Variants in SCOC observed in about 807,000 individuals in gnomAD.
SCOC encodes short coiled coil protein.
A neutral mutation model predicts 9.9 loss-of-function variants in SCOC; 7 were observed. The ratio of observed to expected loss-of-function variants is 0.71; its 90% CI spans 0.40 to 1.33. The LOEUF (loss-of-function observed/expected upper bound fraction) is 1.33, where lower values mean the gene tolerates loss of function less well. Ranked by LOEUF, SCOC falls within the 40% of genes most tolerant of loss-of-function variation. The pLI is 0.01. For synonymous variants in SCOC, 19 were observed against 28.2 expected (o/e 0.67, Z 1.03); for missense variants, 66 against 89.7 (o/e 0.74, Z 1.07).
At chr4:140,358,775 G>A (rs965482802) in intron 2 of SCOC, among the ~76,000 whole-genome samples, 5 of 152,126 alleles carry the variant, frequency 3.3e-5, no homozygotes, top group African/African-American at 9.7e-5. Flanking sequence ...ATTCCCTTTG[G>A]AAAACTGCAT....
chr4:140,331,553 C>T (rs1342869572), intron 1 of SCOC, among the ~76,000 whole-genome samples: 1 of 152,200 alleles, frequency 6.6e-6, no homozygotes, highest in Admixed American at 6.5e-5. Flanking sequence ...CTGTTGATCA[C>T]TCTGTCCTTT....
chr4:140,355,772 GA>G (rs1727202039), intron 2 of SCOC, among the ~76,000 whole-genome samples: 1 of 152,144 alleles, frequency 6.6e-6, no homozygotes, highest in African/African-American at 2.4e-5. Flanking sequence ...TCTATGTTGC[GA>G]TTACAACCAT....
At chr4:140,364,828 T>A (rs1296658259) in intron 2 of SCOC, among the ~76,000 whole-genome samples, 1 of 152,130 alleles carries the variant, frequency 6.6e-6, no homozygotes, top group African/African-American at 2.4e-5. Context: ...CCCCATGAGG[T>A]CAAAACTGAA....
Position 140,287,694 on chromosome 4 carries a change from C to A in SCOC, c.-19+30284C>A, listed in dbSNP as rs547691556. On this transcript the variant is annotated intron_variant, in intron 1 of 4. Transcript: ENST00000394205. Reference sequence around the variant, plus strand: ...CACACATATGTACACATACACACACCAAACACATGGACACACGTGCATATC... The same window carrying A: ...CACACATATGTACACATACACACACAAAACACATGGACACACGTGCATATC... 2.0e-5 allele frequency among the ~76,000 whole-genome samples: 3 copies of A among 152,156 alleles called. No individual in the cohort carries two copies. The South Asian group carries it at 6.2e-4, about 32-fold the overall frequency.
upstream of SCOC, among the ~76,000 whole-genome samples, chr4:140,372,138 T>C (rs1354566913): frequency 6.6e-6 from 1 of 152,214 alleles, no homozygotes; most frequent in Non-Finnish European, 1.5e-5. Flanking sequence ...TGCTCTTTAA[T>C]AGGTATACAG....
intron 1 of SCOC, among the ~76,000 whole-genome samples, chr4:140,337,826 A>G (rs572003972): frequency 3.3e-5 from 5 of 152,320 alleles, no homozygotes; most frequent in African/African-American, 1.2e-4. Flanking sequence ...AACCAAAAAA[A>G]GTCCGGGACC....
chr4:140,364,759 C>T (rs1378416356), intron 2 of SCOC, among the ~76,000 whole-genome samples: 1 of 152,168 alleles, frequency 6.6e-6, no homozygotes. Flanking sequence ...TTACCTTGCC[C>T]ATAGGGACTA....
At chr4:140,363,250 T>C (rs1727650247) in intron 2 of SCOC, among the ~76,000 whole-genome samples, 1 of 152,238 alleles carries the variant, frequency 6.6e-6, no homozygotes, top group Non-Finnish European at 1.5e-5. Flanking sequence ...ATCTCATGTC[T>C]TCCGCCAGCA....
At chr4:140,291,432 C>A (rs773145588) in intron 1 of SCOC, 1 of 457,198 alleles carries the variant, frequency 2.2e-6, no homozygotes, top group East Asian at 6.9e-5. Context: ...TGGTGTATAG[C>A]AACCTCTTGT....
At chr4:140,379,887 A>T (rs910168557) in intron 3 of SCOC, among the ~76,000 whole-genome samples, 1 of 152,214 alleles carries the variant, frequency 6.6e-6, no homozygotes, top group African/African-American at 2.4e-5. Flanking sequence ...AATGCTGGCT[A>T]GTATGAGACC....
intron 1 of SCOC, among the ~76,000 whole-genome samples, chr4:140,320,731 C>T (rs935949649): frequency 3.3e-5 from 5 of 152,120 alleles, no homozygotes; most frequent in Admixed American, 1.3e-4. Flanking sequence ...TCTTCCCTAC[C>T]CAACAAAGCT....
intron 1 of SCOC, among the ~76,000 whole-genome samples, chr4:140,268,283 C>G (rs1293841737): frequency 1.3e-5 from 2 of 152,108 alleles, no homozygotes; most frequent in Non-Finnish European, 2.9e-5. Flanking sequence ...TCAAATAGAA[C>G]AGAGAATAAG....
At chr4:140,339,127 C>A (rs1372270920), upstream of SCOC, among the ~76,000 whole-genome samples, 2 of 151,630 alleles carry the variant, frequency 1.3e-5, no homozygotes, top group Non-Finnish European at 2.9e-5. Flanking sequence ...ACAGAACAGA[C>A]CCCTCAGAAA....
At chr4:140,340,783 C>CTTTTTTTTTTTTTTTT (rs36136647), upstream of SCOC, among the ~76,000 whole-genome samples, 31 of 40,448 alleles carry the variant, frequency 7.7e-4, 6 homozygotes, top group African/African-American at 1.6e-3. Flanking sequence ...TGCTGCCTAA[C>CTTTTTTTTTTTTTTTT]TTTTTTTTTT....
intron 1 of SCOC, among the ~76,000 whole-genome samples, chr4:140,290,028 T>C (rs1731424180): frequency 6.6e-6 from 1 of 152,222 alleles, no homozygotes; most frequent in South Asian, 2.1e-4. Flanking sequence ...AATCTTTCAG[T>C]GTTTTTACTC....
chr4:140,343,076 T>C (rs1726566334), upstream of SCOC, among the ~76,000 whole-genome samples: 1 of 152,220 alleles, frequency 6.6e-6, no homozygotes, highest in South Asian at 2.1e-4. Context: ...GGCATATATG[T>C]ACATGTATGA....
rs138242454 is a variant in SCOC at position 140,350,697 on chromosome 4, G to T, written c.70+6989G>T. Among the ~76,000 whole-genome samples the T allele has an allele frequency of 3.3e-3, 499 of 152,314 alleles. 5 individuals are homozygous for T. Among genetic ancestry groups the T allele is most frequent in the African/African-American group, 0.011 (471 of 41,562 alleles). ...TGGATTTGAATCTGTTAGACTTTGT[G>T]CAAGCTATCTGCCATCCCTGAGCCT... is the stretch of plus-strand genomic sequence containing the variant. On this transcript the variant is annotated intron_variant, in intron 2 of 4. Transcript: ENST00000338517.
At chr4:140,340,106 G>A (rs1399854423), upstream of SCOC, among the ~76,000 whole-genome samples, 1 of 152,162 alleles carries the variant, frequency 6.6e-6, no homozygotes, top group Non-Finnish European at 1.5e-5. Context: ...ATACACCATG[G>A]AATACTATGC....
At chr4:140,342,366 A>G (rs1726546321), upstream of SCOC, among the ~76,000 whole-genome samples, 2 of 152,130 alleles carry the variant, frequency 1.3e-5, no homozygotes, top group African/African-American at 4.8e-5. Context: ...GTAAACCTCC[A>G]GGATTCTTGT....
Sources: gnomAD v4.1 joint callset for allele counts (sites outside exome capture counted in the v4.1 genomes callset) on GRCh38, gnomAD v4.1.1 for gene constraint, MANE v1.5 for transcripts, NCBI Gene and HGNC (gene_info 2026-07-23, HGNC 2026-07-21) for gene names.